ARHGAP10: variants seen among roughly 807,000 people sequenced by gnomAD.
The protein encoded by ARHGAP10 is rho GTPase-activating protein 10.
A neutral mutation model predicts 108.6 loss-of-function variants in ARHGAP10; 87 were observed. The ratio of observed to expected loss-of-function variants is 0.80; its 90% CI spans 0.67 to 0.96. The LOEUF (loss-of-function observed/expected upper bound fraction) is 0.96, where lower values mean the gene tolerates loss of function less well. Among genes scored for constraint, ARHGAP10 ranks in the 40% least tolerant of loss-of-function variants. ARHGAP10 has a pLI of 0.00. For synonymous variants in ARHGAP10, 347 were observed against 341.1 expected, an observed-to-expected ratio of 1.02 and a Z score of -0.19; for missense variants, 939 against 954.5, an observed-to-expected ratio of 0.98 and a Z score of 0.21.
At chr4:147,815,864 G>A (rs1489063542) in intron 1 of ARHGAP10, among the ~76,000 whole-genome samples, 1 of 152,136 alleles carries the variant, frequency 6.6e-6, no homozygotes, top group Non-Finnish European at 1.5e-5. Context: ...AGACAGTCCT[G>A]CTGACACCTT....
At chr4:147,887,788 G>A (rs764584106) in intron 10 of ARHGAP10, among the ~76,000 whole-genome samples, 2 of 151,896 alleles carry the variant, frequency 1.3e-5, no homozygotes, top group Non-Finnish European at 2.9e-5. Flanking sequence ...TTTGAACCTG[G>A]GAGGCGGAGG....
At chr4:147,955,474 G>C in intron 16 of ARHGAP10, 100 bp downstream of exon 16, 1 of 1,053,682 alleles carries the variant, frequency 9.5e-7, no homozygotes, top group South Asian at 1.5e-5. Context: ...ATTGCAGTTT[G>C]TGTTAAAAAT....
chr4:147,791,592 T>TG (rs1731129229), intron 1 of ARHGAP10, among the ~76,000 whole-genome samples: 1 of 151,920 alleles, frequency 6.6e-6, no homozygotes, highest in Non-Finnish European at 1.5e-5. Flanking sequence ...TTTGTTTGTT[T>TG]TTTGTTTTTC....
intron 3 of ARHGAP10, among the ~76,000 whole-genome samples, chr4:147,843,112 G>T (rs567444859): frequency 3.3e-5 from 5 of 152,244 alleles, no homozygotes; most frequent in African/African-American, 1.2e-4. Flanking sequence ...TTTGTACTGG[G>T]CACCCCTTTT....
chr4:148,002,387 C>G (rs9762680), intron 18 of ARHGAP10, among the ~76,000 whole-genome samples: 23,073 of 151,950 alleles, frequency 0.15, 2,903 homozygotes, highest in African/African-American at 0.35. Flanking sequence ...TTTTTGTTGT[C>G]TCTCTGCCAG....
intron 13 of ARHGAP10, among the ~76,000 whole-genome samples, chr4:147,935,212 C>A (rs910819957): frequency 1.3e-5 from 2 of 152,038 alleles, no homozygotes; most frequent in Non-Finnish European, 2.9e-5. Context: ...TGAGGTGAGG[C>A]CCGTCATGGA....
At chr4:148,046,247 T>C (rs1173697010) in intron 19 of ARHGAP10, among the ~76,000 whole-genome samples, 1 of 152,232 alleles carries the variant, frequency 6.6e-6, no homozygotes, top group Non-Finnish European at 1.5e-5. Context: ...CCCCTGTGAA[T>C]GGATACATTG....
At chr4:147,898,759 T>C (rs979527019) in intron 10 of ARHGAP10, among the ~76,000 whole-genome samples, 4 of 151,904 alleles carry the variant, frequency 2.6e-5, no homozygotes, top group African/African-American at 9.7e-5. Flanking sequence ...CACATCTTCC[T>C]GTCTTCTTCT....
At position 147,885,067 on chromosome 4, in the gene ARHGAP10, G is replaced by A. The variant is rs1735488856; in HGVS notation, c.1034+3135G>A. Among the ~76,000 whole-genome samples the A allele has an allele frequency of 3.9e-5, 6 of 152,028 alleles. No individual in the cohort carries two copies. The South Asian group carries it at 1.2e-3, about 32-fold the overall frequency. ...TTCTGGGGATAAACTGGATGTTGCAGTAGAGGGTGAAGGAGTGGGGAAGGT... is the reference window on the plus strand; with the variant it reads ...TTCTGGGGATAAACTGGATGTTGCAATAGAGGGTGAAGGAGTGGGGAAGGT... On this transcript the variant is annotated intron_variant, in intron 10 of 22. Coordinates refer to ENST00000336498, the MANE Select transcript of ARHGAP10 (RefSeq NM_024605.4).
intron 20 of ARHGAP10, among the ~76,000 whole-genome samples, chr4:148,056,922 T>C (rs1209248122): frequency 6.6e-6 from 1 of 152,218 alleles, no homozygotes; most frequent in Admixed American, 6.5e-5. Flanking sequence ...GACTGCTTGC[T>C]ATGCTTCAGG....
chr4:147,876,331 ACT>A (rs1210551364), intron 8 of ARHGAP10, among the ~76,000 whole-genome samples: 6 of 152,170 alleles, frequency 3.9e-5, no homozygotes, highest in African/African-American at 1.4e-4. Context: ...GGTGGCTCAC[ACT>A]TGTAATCCCA....
chr4:147,874,112 G>A (rs932116689), intron 7 of ARHGAP10, among the ~76,000 whole-genome samples: 1 of 151,806 alleles, frequency 6.6e-6, no homozygotes, highest in African/African-American at 2.4e-5. Flanking sequence ...CAAAAAAGAT[G>A]TGCCATTCTA....
chr4:147,779,069 C>T (rs553461985), intron 1 of ARHGAP10, among the ~76,000 whole-genome samples: 2 of 152,308 alleles, frequency 1.3e-5, no homozygotes, highest in Non-Finnish European at 2.9e-5. Flanking sequence ...GTGTATCAGT[C>T]ATCTGCTGGA....
chr4:147,913,747 C>T (rs1352283554), intron 13 of ARHGAP10, among the ~76,000 whole-genome samples: 1 of 152,230 alleles, frequency 6.6e-6, no homozygotes, highest in East Asian at 1.9e-4. Context: ...CAGTTCAGCC[C>T]ATAAGAATCC....
At chr4:147,906,560 T>C in intron 10 of ARHGAP10, 78 bp from the exon 11 acceptor site, 6 of 1,423,594 alleles carry the variant, frequency 4.2e-6, no homozygotes, top group Admixed American at 3.7e-5. Context: ...AAAAAAATGG[T>C]TACAACAGTT....
chr4:147,840,381 C>T, intron 3 of ARHGAP10, among the ~76,000 whole-genome samples: 1 of 152,144 alleles, frequency 6.6e-6, no homozygotes, highest in East Asian at 1.9e-4. Flanking sequence ...TAAATGTTCT[C>T]TTCCTCCCCA....
intron 18 of ARHGAP10, among the ~76,000 whole-genome samples, chr4:147,971,161 A>T (rs192795641): frequency 1.3e-5 from 2 of 152,050 alleles, no homozygotes; most frequent in Non-Finnish European, 2.9e-5. Context: ...TCCTTTGTTA[A>T]CGAGAAAATT....
chr4:147,751,046 G>T (rs576418695), intron 1 of ARHGAP10, among the ~76,000 whole-genome samples: 1 of 151,964 alleles, frequency 6.6e-6, no homozygotes, highest in Admixed American at 6.6e-5. Context: ...GGGTGTGATG[G>T]TGCGTGCCTA....
At chr4:147,831,722 G>T (rs561674331) in intron 3 of ARHGAP10, among the ~76,000 whole-genome samples, 15 of 152,128 alleles carry the variant, frequency 9.9e-5, no homozygotes, top group Non-Finnish European at 1.6e-4. Flanking sequence ...AGTCAGATAG[G>T]GATGTCTTTG....
Sources: gnomAD v4.1 joint callset for allele counts (sites outside exome capture counted in the v4.1 genomes callset) on GRCh38, gnomAD v4.1.1 for gene constraint, MANE v1.5 for transcripts, NCBI Gene and HGNC (gene_info 2026-07-23, HGNC 2026-07-21) for gene names.